Variants in CLASP2 observed in about 807,000 individuals in gnomAD.
CLASP2 encodes cytoplasmic linker associated protein 2.
Under a neutral mutation model 194.4 loss-of-function variants are expected in CLASP2, and 47 were observed. The ratio of observed to expected loss-of-function variants is 0.24; its 90% CI spans 0.19 to 0.31. The LOEUF (loss-of-function observed/expected upper bound fraction) is 0.31. Ranked by LOEUF, CLASP2 falls within the 10% of genes least tolerant of loss-of-function variation. The pLI, the probability that CLASP2 is intolerant of heterozygous loss-of-function variation, is 1.00. For synonymous variants in CLASP2, 619 were observed against 633.5 expected (o/e 0.98, Z 0.34); for missense variants, 1,445 against 1,823.6 (o/e 0.79, Z 3.78).
At position 33,603,084 on chromosome 3, in the gene CLASP2, G is replaced by C. The variant is rs754847355; in HGVS notation, c.1792C>G (p.Leu598Val). 6.3e-7 allele frequency: 1 copy of C among 1,591,810 alleles called. No individual in the cohort carries two copies. The highest frequency in any genetic ancestry group is 8.6e-7 in the Non-Finnish European group (1 of 1,168,008). The change falls in exon 18 of 39, where the codon CTG becomes GTG. Residue 598 changes from leucine to valine, a missense_variant. Physicochemically the swap from Leu to Val is conservative, Grantham distance 32. Around this residue, in one of 4 missense-constraint regions of CLASP2, gnomAD observed 174 missense variants for 179.0 expected, o/e 0.97. Transcript: ENST00000682230. ...SSKASSLPGS[L>V]QRSRSDIDVN... ...TCAATGTCACTTCGTGAACGCTGCA[G>C]GCTTCCTGGAAGGGAACTGGCTTTG...
chr3:33,535,095 A>G, intron 34 of CLASP2, 138 bp downstream of exon 34: 2 of 623,722 alleles, frequency 3.2e-6, no homozygotes, highest in Non-Finnish European at 5.6e-6. Flanking sequence ...ATGAGTTCCT[A>G]GAAGATGGGA....
intron 33 of CLASP2, among the ~76,000 whole-genome samples, chr3:33,537,736 C>A (rs1353927875): frequency 1.3e-5 from 2 of 151,836 alleles, no homozygotes; most frequent in East Asian, 1.9e-4. Flanking sequence ...ATTAAAAAAA[C>A]AAAACAAAAC....
At chr3:33,712,818 CG>C (rs2093082028) in intron 1 of CLASP2, among the ~76,000 whole-genome samples, 1 of 151,586 alleles carries the variant, frequency 6.6e-6, no homozygotes, top group African/African-American at 2.4e-5. Context: ...CAAAATAAGC[CG>C]GGCATGGTGG....
chr3:33,578,813 G>A (rs9867080), intron 23 of CLASP2, among the ~76,000 whole-genome samples: 60,622 of 151,968 alleles, frequency 0.4, 14,553 homozygotes, highest in African/African-American at 0.66. Context: ...GTAAGCCTTT[G>A]AAATATCTTG....
intron 6 of CLASP2, among the ~76,000 whole-genome samples, chr3:33,682,779 CAAA>C (rs1371025476): frequency 1.3e-5 from 2 of 151,750 alleles, no homozygotes; most frequent in Non-Finnish European, 2.9e-5. Context: ...ATTTAAAAAA[CAAA>C]AACAAAAACA....
chr3:33,706,118 T>C (rs929681236), intron 1 of CLASP2, among the ~76,000 whole-genome samples: 9 of 152,040 alleles, frequency 5.9e-5, no homozygotes, highest in Admixed American at 3.9e-4. Flanking sequence ...CATGGTGTCA[T>C]GCGCCTGTGG....
chr3:33,716,340 TAGA>T (rs1015111633), intron 1 of CLASP2, among the ~76,000 whole-genome samples: 1 of 152,020 alleles, frequency 6.6e-6, no homozygotes, highest in Non-Finnish European at 1.5e-5. Flanking sequence ...CAGCACCGAG[TAGA>T]AGTAGGGCTT....
chr3:33,516,847 T>C, intron 35 of CLASP2, 134 bp downstream of exon 35: 1 of 769,894 alleles, frequency 1.3e-6, no homozygotes, highest in South Asian at 1.8e-5. Context: ...TACTTCACAG[T>C]GAAAAGTTCA....
intron 9 of CLASP2, among the ~76,000 whole-genome samples, chr3:33,629,614 C>T (rs1282546707): frequency 1.3e-5 from 2 of 151,844 alleles, no homozygotes; most frequent in Admixed American, 6.6e-5. Context: ...ACATAGTAAG[C>T]ATATCAGATT....
At chr3:33,611,938 ATAAT>A in intron 13 of CLASP2, 59 bp downstream of exon 13, 1 of 1,093,448 alleles carries the variant, frequency 9.1e-7, no homozygotes, top group South Asian at 1.4e-5. Context: ...CAGCAGACAA[ATAAT>A]TAAACAATGC....
intron 33 of CLASP2, among the ~76,000 whole-genome samples, chr3:33,538,094 T>C (rs1257218328): frequency 6.6e-6 from 1 of 151,994 alleles, no homozygotes; most frequent in East Asian, 1.9e-4. Context: ...TGAGCCGAGA[T>C]TGCGCCACTG....
chr3:33,703,585 G>T (rs1213713384), intron 1 of CLASP2, among the ~76,000 whole-genome samples: 1 of 152,188 alleles, frequency 6.6e-6, no homozygotes, highest in Non-Finnish European at 1.5e-5. Context: ...GATCATTCAT[G>T]TTCCTTGGTA....
intron 18 of CLASP2, among the ~76,000 whole-genome samples, chr3:33,599,586 C>T (rs2071451853): frequency 2.6e-5 from 4 of 152,178 alleles, no homozygotes; most frequent in African/African-American, 9.7e-5. Flanking sequence ...AGTATAGAAG[C>T]ATATACCTCT....
At chr3:33,607,906 T>C (rs1043919433) in intron 14 of CLASP2, among the ~76,000 whole-genome samples, 1 of 152,224 alleles carries the variant, frequency 6.6e-6, no homozygotes, top group Non-Finnish European at 1.5e-5. Context: ...AATTATATTA[T>C]GCCTACATTA....
intron 12 of CLASP2, among the ~76,000 whole-genome samples, 184 bp from the exon 13 acceptor site, chr3:33,612,255 TAC>T (rs2075323211): frequency 6.6e-6 from 1 of 152,202 alleles, no homozygotes; most frequent in Admixed American, 6.5e-5. Context: ...GTAATGATGA[TAC>T]AGTTTCAAAA....
At chr3:33,633,186 C>A (rs1399868569) in intron 8 of CLASP2, among the ~76,000 whole-genome samples, 1 of 152,180 alleles carries the variant, frequency 6.6e-6, no homozygotes, top group African/African-American at 2.4e-5. Flanking sequence ...GCTCACTGTG[C>A]CATCACACAG....
chr3:33,583,388 T>G (rs2066594964), intron 22 of CLASP2, among the ~76,000 whole-genome samples: 1 of 152,172 alleles, frequency 6.6e-6, no homozygotes, highest in South Asian at 2.1e-4. Flanking sequence ...AGAGAATTCA[T>G]CTCCTTATAA....
At chr3:33,619,815 C>T (rs2076827905) in intron 11 of CLASP2, 77 bp from the exon 12 acceptor site, 2 of 1,178,134 alleles carry the variant, frequency 1.7e-6, no homozygotes, top group South Asian at 4.3e-5. Flanking sequence ...TTAAAATACT[C>T]TTTTACTGAA....
At position 33,607,443 on chromosome 3, in the gene CLASP2, A is replaced by T. The variant is rs377500925; in HGVS notation, c.1467T>A (p.Val489=). 6 of 1,608,942 alleles carry T rather than the reference A, an allele frequency of 3.7e-6. No homozygotes were observed. The highest frequency in any genetic ancestry group is 1.3e-5 in the African/African-American group (1 of 74,802). Reference sequence around the variant, plus strand: ...CATGAATTCCCTTTTTAATAGTTTCAACCAAGACGGCTGCATGTCTATAAA... The same window carrying T: ...CATGAATTCCCTTTTTAATAGTTTCTACCAAGACGGCTGCATGTCTATAAA... ...HSLERHAAVL[V]ETIKKGIHDA... The change falls in exon 15 of 39, where the codon GTT becomes GTA. Residue 489 remains valine, a synonymous_variant. Coordinates refer to ENST00000682230, the MANE Select transcript of CLASP2 (RefSeq NM_001365631.1).
Sources: gnomAD v4.1 joint callset for allele counts (sites outside exome capture counted in the v4.1 genomes callset) on GRCh38, gnomAD v4.1.1 for gene constraint, gnomAD v4.1.1 regional missense constraint, MANE v1.5 for transcripts, NCBI Gene and HGNC (gene_info 2026-07-23, HGNC 2026-07-21) for gene names.